Variants in FAM184A observed in about 807,000 individuals in gnomAD.
The protein encoded by FAM184A is family with sequence similarity 184 member A, also known as protein FAM184A.
In FAM184A, 99 loss-of-function variants were observed where a neutral mutation model predicts 143.8. The ratio of observed to expected loss-of-function variants is 0.69; its 90% CI spans 0.58 to 0.81. The LOEUF (loss-of-function observed/expected upper bound fraction) is 0.81, where lower values mean the gene tolerates loss of function less well. Among genes scored for constraint, FAM184A ranks in the 40% least tolerant of loss-of-function variants. FAM184A has a pLI of 0.00. For synonymous variants in FAM184A, 427 were observed against 446.4 expected (o/e 0.96, Z 0.55); for missense variants, 1,217 against 1,310.5 (o/e 0.93, Z 1.10).
intron 9 of FAM184A, among the ~76,000 whole-genome samples, chr6:119,002,489 G>A (rs1784794387): frequency 6.6e-6 from 1 of 152,110 alleles, no homozygotes; most frequent in South Asian, 2.1e-4. Context: ...CCTTTGGTGA[G>A]AAAAGTAAGC....
intron 3 of FAM184A, among the ~76,000 whole-genome samples, chr6:119,021,949 C>T (rs1053696855): frequency 6.6e-6 from 1 of 151,416 alleles, no homozygotes. Flanking sequence ...GCACTCCAGT[C>T]TAGGTGACAG....
intron 1 of FAM184A, among the ~76,000 whole-genome samples, chr6:119,101,666 AT>A (rs1788640493): frequency 6.6e-6 from 1 of 152,210 alleles, no homozygotes; most frequent in South Asian, 2.1e-4. Context: ...TCATGTTAAC[AT>A]TCTTCATATG....
chr6:119,078,896 C>G (rs1175750276), upstream of FAM184A: 1 of 152,940 alleles, frequency 6.5e-6, no homozygotes, highest in African/African-American at 2.4e-5. This position sits in a 1 kb window ranked among gnomAD's most constrained non-coding sequence, Gnocchi z 5.5. Context: ...GTGCTTCCCC[C>G]GTGTGGCGGG....
intron 9 of FAM184A, among the ~76,000 whole-genome samples, chr6:118,984,217 ATATATTTG>A (rs1395190192): frequency 2.1e-5 from 3 of 145,290 alleles, no homozygotes; most frequent in Non-Finnish European, 4.5e-5. Flanking sequence ...TTATATTTAT[ATATATTTG>A]TATATTTATA....
At chr6:118,960,455 T>G (rs1783285327) in intron 17 of FAM184A, among the ~76,000 whole-genome samples, 1 of 152,180 alleles carries the variant, frequency 6.6e-6, no homozygotes, top group African/African-American at 2.4e-5. Context: ...AAATGTCACC[T>G]TCTTTGAATA....
rs182805710 is a variant in FAM184A, at chr6:119,103,478, C to T, written c.-202+45600G>A. Among the ~76,000 whole-genome samples the T allele has an allele frequency of 7.9e-4, 120 of 152,248 alleles. 1 individual carries two copies. Among genetic ancestry groups the T allele is most frequent in the African/African-American group, 2.6e-3 (110 of 41,524 alleles). On this transcript the variant is annotated intron_variant, in intron 1 of 16. Coordinates refer to the FAM184A transcript ENST00000352896. ...GTGGTAGACCTTCCATCCCAGCATGCGTTCTTTGCTCTTTCAATAATAAAA... is the reference window on the plus strand; with the variant it reads ...GTGGTAGACCTTCCATCCCAGCATGTGTTCTTTGCTCTTTCAATAATAAAA...
chr6:119,000,483 A>G (rs1351510390), intron 9 of FAM184A, among the ~76,000 whole-genome samples: 1 of 152,204 alleles, frequency 6.6e-6, no homozygotes, highest in Non-Finnish European at 1.5e-5. Flanking sequence ...TAGCTTTTGG[A>G]AAATTCCATG....
chr6:119,083,785 A>G (rs929064741), intron 1 of FAM184A, among the ~76,000 whole-genome samples: 1 of 152,200 alleles, frequency 6.6e-6, no homozygotes, highest in African/African-American at 2.4e-5. Flanking sequence ...AAACTTTCCC[A>G]CATCTTCTTA....
In FAM184A at chr6:119,003,550, C is replaced by CT; in HGVS notation, c.1887dup (p.Val630SerfsTer7). On this transcript the variant is annotated frameshift_variant, in exon 8 of 18. Transcript: ENST00000338891. LOFTEE classifies it high-confidence loss of function. ...TCTAAGTCATGGGCCATTTTGTCCACTTTGAGCTTCTCTTCTTCTTTCATG... is the reference window on the plus strand; with the variant it reads ...TCTAAGTCATGGGCCATTTTGTCCACTTTTGAGCTTCTCTTCTTCTTTCATG... 6.2e-7 allele frequency: 1 copy of CT among 1,613,282 alleles called. No individual in the cohort carries two copies. The highest frequency in any genetic ancestry group is 1.7e-5 in the Admixed American group (1 of 59,962).
At chr6:119,076,467 G>C (rs986854297) in intron 1 of FAM184A, among the ~76,000 whole-genome samples, 1 of 152,052 alleles carries the variant, frequency 6.6e-6, no homozygotes, top group Non-Finnish European at 1.5e-5. Context: ...ACCAGCTTCC[G>C]ATCAATACAC....
In FAM184A at chr6:119,002,900, T is replaced by C. The variant is rs753557653; in HGVS notation, c.2087A>G (p.Gln696Arg). The C allele has an allele frequency of 1.2e-6, 2 of 1,606,290 alleles. No homozygotes were observed. The change falls in exon 9 of 18, where the codon CAG becomes CGG. Residue 696 changes from glutamine to arginine, a missense_variant and splice_region_variant. Gln to Arg is a conservative substitution (Grantham distance 43). Coordinates refer to ENST00000338891, the MANE Select transcript of FAM184A (RefSeq NM_024581.6). Reference sequence around the variant, plus strand: ...CATCATGTACACATTATTAATTACCTGGTTTAAGAGATCTTCTACTTTCTT... The same window carrying C: ...CATCATGTACACATTATTAATTACCCGGTTTAAGAGATCTTCTACTTTCTT... ...WQKKVEDLLN[Q>R]ISLLKQNLEI...
At chr6:119,113,461 T>A (rs1452472347) in intron 1 of FAM184A, among the ~76,000 whole-genome samples, 1 of 151,240 alleles carries the variant, frequency 6.6e-6, no homozygotes, top group Non-Finnish European at 1.5e-5. Context: ...TCTTCCTTTT[T>A]TTTCAACCTC....
At chr6:119,128,915 C>A (rs1789451798) in intron 1 of FAM184A, among the ~76,000 whole-genome samples, 2 of 151,446 alleles carry the variant, frequency 1.3e-5, no homozygotes, top group Admixed American at 6.6e-5. Context: ...AGCCTGACAC[C>A]TTTTAAGGTC....
intron 1 of FAM184A, among the ~76,000 whole-genome samples, chr6:119,114,726 G>T (rs1270026066): frequency 1.3e-5 from 2 of 152,132 alleles, no homozygotes; most frequent in African/African-American, 4.8e-5. Context: ...ATTTTATGTA[G>T]ATATGGGGTT....
Position 118,969,509 on chromosome 6 carries a change from C to T in FAM184A, c.2916-2557G>A, listed in dbSNP as rs1247569044. Among the ~76,000 whole-genome samples, 3 of 152,118 alleles carry T rather than the reference C, an allele frequency of 2.0e-5. No homozygotes were observed. In the East Asian group the frequency reaches 5.8e-4, roughly 29 times the overall value. On this transcript the variant is annotated intron_variant, in intron 14 of 17. Coordinates refer to ENST00000338891, the MANE Select transcript of FAM184A (RefSeq NM_024581.6). ...AATTACTAGTCTTTCAAAATTTTTACAGAAAGAAAACTTGATACTATTCCG... is the reference window on the plus strand; with the variant it reads ...AATTACTAGTCTTTCAAAATTTTTATAGAAAGAAAACTTGATACTATTCCG...
intron 1 of FAM184A, among the ~76,000 whole-genome samples, chr6:119,102,416 T>G (rs1296612668): frequency 6.6e-6 from 1 of 152,056 alleles, no homozygotes; most frequent in African/African-American, 2.4e-5. Context: ...TATTAGGCAA[T>G]AGGAATCATA....
intron 1 of FAM184A, among the ~76,000 whole-genome samples, chr6:119,106,675 C>T (rs527883926): frequency 2.6e-4 from 39 of 152,286 alleles, no homozygotes; most frequent in African/African-American, 5.3e-4. Flanking sequence ...GGAAGGGCTT[C>T]GGTAAATTAC....
chr6:118,999,430 A>T (rs908561711), intron 9 of FAM184A, among the ~76,000 whole-genome samples: 2 of 152,162 alleles, frequency 1.3e-5, no homozygotes, highest in Non-Finnish European at 2.9e-5. Flanking sequence ...GGTTTTCCAC[A>T]ATAACCTCTA....
chr6:118,986,003 A>C (rs1024266059), intron 9 of FAM184A, among the ~76,000 whole-genome samples: 10 of 152,146 alleles, frequency 6.6e-5, no homozygotes, highest in African/African-American at 2.2e-4. Context: ...AGTTAAGAAA[A>C]GTAAATTTGG....
Sources: allele counts gnomAD v4.1 joint callset (sites outside exome capture counted in the v4.1 genomes callset), GRCh38; gene constraint gnomAD v4.1.1; non-coding constraint Gnocchi (gnomAD v3.1); transcripts MANE v1.5; gene names NCBI Gene and HGNC (gene_info 2026-07-23, HGNC 2026-07-21).